Variants in SLC1A2 observed in about 807,000 individuals in gnomAD.
The protein encoded by SLC1A2 is excitatory amino acid transporter 2.
Under a neutral mutation model 48.8 loss-of-function variants are expected in SLC1A2, and 15 were observed. The ratio of observed to expected loss-of-function variants is 0.31; its 90% CI spans 0.21 to 0.47. The LOEUF (loss-of-function observed/expected upper bound fraction) is 0.47, where lower values mean the gene tolerates loss of function less well. Among genes scored for constraint, SLC1A2 ranks in the 20% least tolerant of loss-of-function variants. The pLI, the probability that SLC1A2 is intolerant of heterozygous loss-of-function variation, is 0.99. For synonymous variants in SLC1A2, 279 were observed against 272.6 expected (o/e 1.02, Z -0.23); for missense variants, 502 against 730.5 (o/e 0.69, Z 3.61).
chr11:35,317,203 C>A, intron 2 of SLC1A2, 174 bp downstream of exon 2: 2 of 600,656 alleles, frequency 3.3e-6, no homozygotes, highest in East Asian at 2.8e-5. Flanking sequence ...GAATGAATGG[C>A]TAGAGGAGGT....
Position 35,298,272 on chromosome 11 carries a change from T to C in SLC1A2, c.857+3247A>G, listed in dbSNP as rs551835247. 3.3e-5 allele frequency: 5 copies of C among 152,340 alleles called. No homozygotes were observed. In the South Asian group the frequency reaches 1.0e-3, roughly 32 times the overall value. 9.4% of individuals were successfully genotyped at this position (152,340 alleles called of 1,614,324 possible). The stretch of plus-strand genomic sequence containing the variant: ...CCTCAGTAATAAATGGGTTAGTACC[T>C]GTACTGTAACCGAAATAGTACTGAG... On this transcript the variant is annotated intron_variant, in intron 6 of 10. Coordinates refer to ENST00000278379, the MANE Select transcript of SLC1A2 (RefSeq NM_004171.4).
chr11:35,393,611 A>C (rs1179333032), intron 1 of SLC1A2, among the ~76,000 whole-genome samples: 1 of 152,174 alleles, frequency 6.6e-6, no homozygotes, highest in Non-Finnish European at 1.5e-5. Flanking sequence ...TCATTGCTAA[A>C]CCTTTAATTG....
In SLC1A2 at chr11:35,265,255, T is replaced by C. The variant is rs1591401717; in HGVS notation, c.1653+272A>G. ...AAGACAACTGGTCAAATTAGTTAAA[T>C]GGGGTAGATAGGGGAACCCGAATGG... On this transcript the variant is annotated intron_variant, in intron 10 of 10. Transcript: ENST00000278379. 7.8e-6 allele frequency: 4 copies of C among 516,100 alleles called. No homozygotes were observed. The East Asian group carries it at 9.3e-5, about 12-fold the overall frequency. 32.0% of individuals were successfully genotyped at this position (516,100 alleles called of 1,614,324 possible). A position where few individuals can be genotyped will look rare whatever the true frequency, so the allele number is the denominator to read the frequency against.
At chr11:35,376,612 T>C (rs1854239314) in intron 1 of SLC1A2, among the ~76,000 whole-genome samples, 1 of 152,222 alleles carries the variant, frequency 6.6e-6, no homozygotes, top group Non-Finnish European at 1.5e-5. Context: ...CCAACATGTT[T>C]ATCTTTATAA....
At position 35,301,517 on chromosome 11, in the gene SLC1A2, A is replaced by G. The variant is rs1410107045; in HGVS notation, c.857+2T>C. ...CTAAGAAGTAAGAACAAGGCCACTT[A>G]CCACATGATCATGATCACTAACTTC... On this transcript the variant is annotated splice_donor_variant, in intron 6 of 10. Transcript: ENST00000278379. LOFTEE classifies it high-confidence loss of function. The G allele has an allele frequency of 6.2e-7, 1 of 1,613,392 alleles. No homozygotes were observed. Among genetic ancestry groups the G allele is most frequent in the Non-Finnish European group, 8.5e-7 (1 of 1,179,614 alleles).
rs139586962 is a variant in SLC1A2 at position 35,355,203 on chromosome 11, G to A, written c.18-37687C>T. 6.2e-3 allele frequency among the ~76,000 whole-genome samples: 939 copies of A among 152,244 alleles called. 8 individuals carry two copies. Among genetic ancestry groups the A allele is most frequent in the African/African-American group, 0.021 (886 of 41,532 alleles). On this transcript the variant is annotated intron_variant, in intron 1 of 10. Transcript: ENST00000278379. ...GAGTTCAAACTCTTCTACCTTGTTGGTAGAGAGACTTAAAACATTATAGAG... is the reference window on the plus strand; with the variant it reads ...GAGTTCAAACTCTTCTACCTTGTTGATAGAGAGACTTAAAACATTATAGAG...
At chr11:35,269,327 T>G (rs927729580) in intron 9 of SLC1A2, among the ~76,000 whole-genome samples, 2 of 152,202 alleles carry the variant, frequency 1.3e-5, no homozygotes, top group African/African-American at 4.8e-5. Flanking sequence ...TATAGCAGTC[T>G]GAATGGACTA....
chr11:35,301,849 C>A (rs188058182), intron 5 of SLC1A2, among the ~76,000 whole-genome samples: 110 of 152,328 alleles, frequency 7.2e-4, no homozygotes, highest in Middle Eastern at 3.4e-3. Context: ...ACACTTTCCA[C>A]ATGAGCAAGT....
chr11:35,397,470 A>G (rs1855000024), intron 1 of SLC1A2, among the ~76,000 whole-genome samples: 1 of 149,850 alleles, frequency 6.7e-6, no homozygotes, highest in Non-Finnish European at 1.5e-5. Flanking sequence ...AAAACTGGCT[A>G]GCCATATGTA....
chr11:35,321,078 CCTT>C (rs1358326617), intron 1 of SLC1A2, among the ~76,000 whole-genome samples: 3 of 152,122 alleles, frequency 2.0e-5, no homozygotes, highest in Non-Finnish European at 4.4e-5. Flanking sequence ...GAGAACGTGT[CCTT>C]CTTCACATGG....
In SLC1A2 at chr11:35,290,897, T is replaced by C. The variant is rs115667909; in HGVS notation, c.1091+1390A>G. ...CAGCTTTGTCTGAAACTCCATTTTC[T>C]ACTAGCACTGAATCCTCATTGATTT... On this transcript the variant is annotated intron_variant, in intron 7 of 10. Coordinates refer to ENST00000278379, the MANE Select transcript of SLC1A2 (RefSeq NM_004171.4). 6.6e-3 allele frequency among the ~76,000 whole-genome samples: 1,006 copies of C among 152,276 alleles called. 10 individuals carry two copies. Among genetic ancestry groups the C allele is most frequent in the African/African-American group, 0.023 (953 of 41,548 alleles).
chr11:35,389,623 A>T (rs192022138), intron 1 of SLC1A2, among the ~76,000 whole-genome samples: 431 of 152,106 alleles, frequency 2.8e-3, no homozygotes, highest in African/African-American at 9.7e-3. Context: ...GGCACGAGCC[A>T]CTATGTCTGG....
chr11:35,393,753 C>T (rs540387003), intron 1 of SLC1A2, among the ~76,000 whole-genome samples: 1 of 152,266 alleles, frequency 6.6e-6, no homozygotes, highest in Non-Finnish European at 1.5e-5. Context: ...TTTGTCTCCC[C>T]CCATCCCCAA....
intron 1 of SLC1A2, chr11:35,390,989 T>A (rs1854752150): frequency 6.6e-6 from 1 of 152,172 alleles, no homozygotes; most frequent in East Asian, 1.9e-4. Context: ...TTAAAACTAA[T>A]TTCACCTGTT....
intron 9 of SLC1A2, among the ~76,000 whole-genome samples, chr11:35,278,263 GTTT>G (rs1170822746): frequency 9.6e-6 from 1 of 103,810 alleles, no homozygotes; most frequent in Non-Finnish European, 1.9e-5. Context: ...TCTTACTTCT[GTTT>G]TTTTTTGTTT....
chr11:35,411,079 C>A (rs1855445918), intron 1 of SLC1A2, among the ~76,000 whole-genome samples: 1 of 152,126 alleles, frequency 6.6e-6, no homozygotes, highest in South Asian at 2.1e-4. Context: ...AATCAATAAT[C>A]CTTCAAATGC....
At position 35,311,262 on chromosome 11, in the gene SLC1A2, C is replaced by A. The variant is rs370702180; in HGVS notation, c.561+936G>T. 3.9e-5 allele frequency among the ~76,000 whole-genome samples: 6 copies of A among 152,270 alleles called. No homozygotes were observed. The East Asian group carries it at 5.8e-4, about 15-fold the overall frequency. ...GCAATCTCTGCCTCCCGGGCTCAAGCAATTCTCTTGCCTCGGCCTCCCGAG... is the reference window on the plus strand; with the variant it reads ...GCAATCTCTGCCTCCCGGGCTCAAGAAATTCTCTTGCCTCGGCCTCCCGAG... On this transcript the variant is annotated intron_variant, in intron 4 of 10. Coordinates refer to ENST00000278379, the MANE Select transcript of SLC1A2 (RefSeq NM_004171.4).
At chr11:35,268,940 C>G (rs1414582546) in intron 9 of SLC1A2, among the ~76,000 whole-genome samples, 1 of 152,194 alleles carries the variant, frequency 6.6e-6, no homozygotes, top group African/African-American at 2.4e-5. Flanking sequence ...TCTAGCTCAG[C>G]CACCTACTAA....
At chr11:35,370,809 T>C (rs1249728236) in intron 1 of SLC1A2, 1 of 246,128 alleles carries the variant, frequency 4.1e-6, no homozygotes, top group Non-Finnish European at 6.5e-6. Context: ...CTCCCCAGCA[T>C]TGCAGCAGCC....
Sources: gnomAD v4.1 joint callset for allele counts (sites outside exome capture counted in the v4.1 genomes callset) on GRCh38, gnomAD v4.1.1 for gene constraint, MANE v1.5 for transcripts, NCBI Gene and HGNC (gene_info 2026-07-23, HGNC 2026-07-21) for gene names.